Variants in HMGXB4 observed in about 807,000 individuals in gnomAD.
HMGXB4 encodes the protein HMG domain-containing protein 4.
In HMGXB4, 27 loss-of-function variants were observed where a neutral mutation model predicts 63.9. The ratio of observed to expected loss-of-function variants is 0.42; its 90% CI spans 0.31 to 0.58. The LOEUF is 0.58. HMGXB4 is among the 20% of genes least tolerant of loss of function. The probability of loss-of-function intolerance (pLI) is 0.13; values close to 1 mark genes in which losing one functional copy is unlikely to be tolerated. For missense variants in HMGXB4, 624 were observed against 700.7 expected (o/e 0.89, Z 1.24); for synonymous variants, 264 against 265.3 (o/e 0.99, Z 0.05).
intron 7 of HMGXB4, 101 bp downstream of exon 7, chr22:35,286,162 G>A: frequency 1.3e-6 from 1 of 799,366 alleles, no homozygotes; most frequent in Non-Finnish European, 2.0e-6. Flanking sequence ...TGAAAATAGT[G>A]AAGAAAATTA....
rs1231654844 is a variant in HMGXB4 at position 35,263,221 on chromosome 22, T to C, written c.175T>C (p.Leu59=). The C allele has an allele frequency of 9.3e-6, 15 of 1,611,138 alleles. No homozygotes were observed. The highest frequency in any genetic ancestry group is 1.3e-5 in the Non-Finnish European group (15 of 1,178,806). Residue 59 remains leucine, a synonymous_variant, in exon 3 of 11, where the codon TTG becomes CTG. Transcript: ENST00000216106. The part of the protein sequence containing the change: ...AQVRNSSKKK[L]KDSELYFLGT... The stretch of plus-strand genomic sequence containing the variant: ...GGTCAGGAATTCTTCCAAGAAGAAG[T>C]TGAAGGTAAGTCCTGAAAATTTAAA...
chr22:35,261,363 G>A (rs528996794), intron 1 of HMGXB4, among the ~76,000 whole-genome samples: 3 of 151,208 alleles, frequency 2.0e-5, no homozygotes, highest in Non-Finnish European at 2.9e-5. Context: ...TTGAACCCGG[G>A]AGGCGGAGGT....
At chr22:35,243,515 GTTTGTTTC>G in the HMGXB4 span, among the ~76,000 whole-genome samples, 1 of 151,828 alleles carries the variant, frequency 6.6e-6, no homozygotes, top group African/African-American at 2.4e-5. Context: ...AGTTTTTTTT[GTTTGTTTC>G]TTTTTTTATT....
Position 35,263,848 on chromosome 22 carries a change from A to G in HMGXB4, c.233A>G (p.His78Arg), listed in dbSNP as rs765832825. ...GACACACACAAGAAGAAGAGGAAGC[A>G]CTCCTCTGATGATTACTACTATGGA... The part of the protein sequence containing the change: ...GTDTHKKKRK[H>R]SSDDYYYGDI... The change falls in exon 4 of 11, where the codon CAC (histidine) becomes CGC (arginine). Residue 78 changes from histidine to arginine, a missense_variant. Physicochemically the swap from His to Arg is conservative, Grantham distance 29. Around this residue, in one of 2 missense-constraint regions of HMGXB4, gnomAD observed 472 missense variants for 470.6 expected, o/e 1.00. Coordinates refer to ENST00000216106, the MANE Select transcript of HMGXB4 (RefSeq NM_001003681.3). 1.9e-6 allele frequency: 3 copies of G among 1,613,100 alleles called. No individual in the cohort carries two copies. In the South Asian group the frequency reaches 3.3e-5, roughly 18 times the overall value.
upstream of HMGXB4, among the ~76,000 whole-genome samples, chr22:35,253,194 T>C (rs1351991974): frequency 6.6e-6 from 1 of 151,460 alleles, no homozygotes; most frequent in African/African-American, 2.4e-5. Context: ...TTAGCAGTGC[T>C]TTATCCTGAC....
intron 5 of HMGXB4, among the ~76,000 whole-genome samples, chr22:35,267,083 T>C (rs573389058): frequency 2.7e-5 from 4 of 149,908 alleles, no homozygotes; most frequent in African/African-American, 9.7e-5. Flanking sequence ...TAAGAAAGTC[T>C]GCTTATATCT....
At chr22:35,274,467 T>C (rs1923788696) in intron 5 of HMGXB4, among the ~76,000 whole-genome samples, 1 of 152,262 alleles carries the variant, frequency 6.6e-6, no homozygotes, top group Admixed American at 6.5e-5. Context: ...TCCTAACAGC[T>C]GTACATGTAG....
chr22:35,253,146 A>AAAAAAGAG (rs1395493412), upstream of HMGXB4, among the ~76,000 whole-genome samples: 1 of 151,280 alleles, frequency 6.6e-6, no homozygotes, highest in Admixed American at 6.6e-5. Flanking sequence ...AAAAAAAAAA[A>AAAAAAGAG]AAAAGAAAAA....
At chr22:35,279,309 C>T (rs998869016) in intron 5 of HMGXB4, among the ~76,000 whole-genome samples, 11 of 151,820 alleles carry the variant, frequency 7.2e-5, no homozygotes, top group Admixed American at 2.0e-4. Context: ...CCACCACACC[C>T]GGCTAATTTT....
rs528331783 is a variant in HMGXB4 at position 35,265,439 on chromosome 22, G to A, written c.1051G>A (p.Val351Met). Reference sequence around the variant, plus strand: ...CAAGAGAAGTTTAGGACTTTCTGCCGTGCCAGTGGGAGAGGTCACAGTGAC... The same window carrying A: ...CAAGAGAAGTTTAGGACTTTCTGCCATGCCAGTGGGAGAGGTCACAGTGAC... ...KSKRSLGLSA[V>M]PVGEVTVTSG... Residue 351 changes from valine to methionine, a missense_variant, in exon 5 of 11, where the codon GTG becomes ATG. By Grantham distance (21) the Val-to-Met change is conservative. Coordinates refer to ENST00000216106, the MANE Select transcript of HMGXB4 (RefSeq NM_001003681.3). 1.5e-5 allele frequency: 25 copies of A among 1,614,076 alleles called. No homozygotes were observed. The highest frequency in any genetic ancestry group is 5.5e-5 in the South Asian group (5 of 91,076).
At chr22:35,270,777 ATATCT>A (rs964156918) in intron 5 of HMGXB4, among the ~76,000 whole-genome samples, 29 of 152,384 alleles carry the variant, frequency 1.9e-4, no homozygotes, top group Admixed American at 1.6e-3. Context: ...TTAAGAGTTA[ATATCT>A]TTGATTGTGG....
the HMGXB4 span, among the ~76,000 whole-genome samples, chr22:35,250,439 T>A: frequency 3.9e-5 from 6 of 152,132 alleles, no homozygotes; most frequent in African/African-American, 1.4e-4. Flanking sequence ...CATGAACTCG[T>A]AAAGCAAGAA....
intron 9 of HMGXB4, among the ~76,000 whole-genome samples, chr22:35,291,772 CAG>C (rs1429809438): frequency 6.6e-6 from 1 of 152,160 alleles, no homozygotes; most frequent in East Asian, 1.9e-4. Flanking sequence ...GAAGAATAAA[CAG>C]ACTTAAAGAG....
At chr22:35,253,615 G>A (rs1297778523), upstream of HMGXB4, among the ~76,000 whole-genome samples, 3 of 151,568 alleles carry the variant, frequency 2.0e-5, no homozygotes, top group South Asian at 2.1e-4. Context: ...GCGCGCGCGC[G>A]CGTGTGTGTG....
rs1366446254 is a variant in HMGXB4, at chr22:35,278,184, C to CT, written c.1216-5771dup. ...ATGTCTTTCCATGGCTCGACCCTTT[C>CT]TTTTTTTCCTGTTAGCACTGAATAA... On this transcript the variant is annotated intron_variant, in intron 5 of 10. Transcript: ENST00000216106. Among the ~76,000 whole-genome samples, 13 of 152,304 alleles carry CT rather than the reference C, an allele frequency of 8.5e-5. No homozygotes were observed. The East Asian group carries it at 2.5e-3, about 29-fold the overall frequency.
At chr22:35,284,241 G>A in intron 6 of HMGXB4, among the ~76,000 whole-genome samples, 198 bp downstream of exon 6, 1 of 152,184 alleles carries the variant, frequency 6.6e-6, no homozygotes, top group East Asian at 1.9e-4. Flanking sequence ...AAACGGATAA[G>A]GTGGGAAACT....
At chr22:35,279,678 T>C (rs948964804) in intron 5 of HMGXB4, among the ~76,000 whole-genome samples, 1 of 59,138 alleles carries the variant, frequency 1.7e-5, no homozygotes, top group Non-Finnish European at 3.3e-5. Context: ...TCTAGATTCC[T>C]TTTTTTTTTT....
the HMGXB4 span, among the ~76,000 whole-genome samples, chr22:35,248,695 A>G: frequency 6.6e-6 from 1 of 152,046 alleles, no homozygotes; most frequent in Middle Eastern, 3.2e-3. Flanking sequence ...ACGGGCCACT[A>G]CACCCGGCTG....
At chr22:35,277,707 TGCA>T (rs1231552744) in intron 5 of HMGXB4, among the ~76,000 whole-genome samples, 4 of 152,338 alleles carry the variant, frequency 2.6e-5, no homozygotes, top group South Asian at 4.1e-4. Flanking sequence ...TTTATTTTTT[TGCA>T]GCAGCAGCTT....
Sources: allele counts gnomAD v4.1 joint callset (sites outside exome capture counted in the v4.1 genomes callset), GRCh38; gene constraint gnomAD v4.1.1; regional missense constraint gnomAD v4.1.1; transcripts MANE v1.5; gene names NCBI Gene and HGNC (gene_info 2026-07-23, HGNC 2026-07-21).